Variants in MTMR11 observed in about 807,000 individuals in gnomAD.
The protein encoded by MTMR11 is myotubularin-related protein 11.
Under a neutral mutation model 100.0 loss-of-function variants are expected in MTMR11, and 89 were observed. That is an observed-to-expected ratio of 0.89 (90% CI 0.75 to 1.06). MTMR11 has a LOEUF of 1.06. Among genes scored for constraint, MTMR11 ranks in the 50% least tolerant of loss-of-function variants. The pLI is 0.00. For missense variants in MTMR11, 809 were observed against 873.7 expected, an observed-to-expected ratio of 0.93 and a Z score of 0.93; for synonymous variants, 336 against 326.3, an observed-to-expected ratio of 1.03 and a Z score of -0.32.
intron 10 of MTMR11, 139 bp from the exon 11 acceptor site, chr1:149,932,469 G>T (rs2092672175): frequency 2.9e-6 from 2 of 692,184 alleles, no homozygotes; most frequent in Admixed American, 4.9e-5. Context: ...TTAAACTGTG[G>T]TGATGGTTGT....
At chr1:149,936,492 C>T in intron 1 of MTMR11, 90 bp downstream of exon 1, 1 of 1,259,294 alleles carries the variant, frequency 7.9e-7, no homozygotes, top group Non-Finnish European at 1.1e-6. Flanking sequence ...CCTCCTCCTC[C>T]TCCTCTAGAG....
Position 149,934,556 on chromosome 1 carries a change from G to A in MTMR11, c.469-30C>T, listed in dbSNP as rs782152868. 10 of 1,604,820 alleles carry A rather than the reference G, an allele frequency of 6.2e-6. No individual in the cohort carries two copies. In the African/African-American group the frequency reaches 1.2e-4, roughly 19 times the overall value. ...AGAGGAAAGGACATTCCATCCTTTT[G>A]GCTTAGGCTGAGTAAGTGAAAAGAA... On this transcript the variant is annotated intron_variant, in intron 5 of 16. Coordinates refer to ENST00000439741, the MANE Select transcript of MTMR11 (RefSeq NM_001145862.2).
chr1:149,934,049 G>GT, intron 7 of MTMR11, 107 bp from the exon 8 acceptor site: 1 of 1,544,756 alleles, frequency 6.5e-7, no homozygotes. Context: ...GGGATTTCAG[G>GT]TTTAGGGATC....
In MTMR11 at chr1:149,930,486, A is replaced by G. The variant is rs782628062; in HGVS notation, c.1526T>C (p.Phe509Ser). Reference sequence around the variant, plus strand: ...GTCCCAGACAGACAGCTGCAGGTTAAAAGAGTTCCCAGCTGGAGGCTGGGA... The same window carrying G: ...GTCCCAGACAGACAGCTGCAGGTTAGAAGAGTTCCCAGCTGGAGGCTGGGA... Reference protein sequence around the residue: ...GYSQPPAGNSFNLQLSVWDWD... With the variant: ...GYSQPPAGNSSNLQLSVWDWD... The change falls in exon 15 of 17, where the codon TTT (phenylalanine) becomes TCT (serine). Residue 509 changes from phenylalanine to serine, a missense_variant. By Grantham distance (155) the Phe-to-Ser change is radical. Coordinates refer to ENST00000439741, the MANE Select transcript of MTMR11 (RefSeq NM_001145862.2). 6.2e-7 allele frequency: 1 copy of G among 1,614,126 alleles called. No individual in the cohort carries two copies. Among genetic ancestry groups the G allele is most frequent in the Non-Finnish European group, 8.5e-7 (1 of 1,179,988 alleles).
chr1:149,930,075 C>T, intron 15 of MTMR11, 159 bp from the exon 16 acceptor site: 2 of 824,836 alleles, frequency 2.4e-6, no homozygotes, highest in Non-Finnish European at 3.8e-6. Flanking sequence ...CCTCATTAGG[C>T]TTCAACTAGG....
At chr1:149,931,830 T>C (rs2092664347) in intron 12 of MTMR11, 114 bp downstream of exon 12, 3 of 913,868 alleles carry the variant, frequency 3.3e-6, no homozygotes, top group Non-Finnish European at 5.2e-6. Context: ...TCGCAGGTAG[T>C]TCCCAGGAAC....
In MTMR11 at chr1:149,929,850, G is replaced by A. The variant is rs1553767046; in HGVS notation, c.1714C>T (p.Leu572=). 1.2e-6 allele frequency: 2 copies of A among 1,614,032 alleles called. No individual in the cohort carries two copies. The highest frequency in any genetic ancestry group is 2.2e-5 in the East Asian group (1 of 44,896). ...TCCCGCCAAGGACAGAGCTGATTCA[G>A]GGGGGTCAATGCTCCTCTAGAGAAG... ...WLFSRGALTP[L]NQLCPWRDSP... is the part of the protein sequence containing the mutation. Residue 572 remains leucine, a synonymous_variant, in exon 16 of 17, where the codon CTG becomes TTG. Coordinates refer to ENST00000439741, the MANE Select transcript of MTMR11 (RefSeq NM_001145862.2).
intron 12 of MTMR11, 121 bp downstream of exon 12, chr1:149,931,823 C>A: frequency 1.2e-6 from 1 of 841,534 alleles, no homozygotes. Context: ...GTAGAGCTCG[C>A]AGGTAGTTCC....
In MTMR11 at chr1:149,931,305, T is replaced by C; in HGVS notation, c.1245A>G (p.Gly415=). ...SLVQREWVAA[G]HPFLTRLGGT... ...CCCCAAGCCGAGTCAGGAAGGGATG[T>C]CCAGCTGCCACCCACTCTCGCTGTA... Residue 415 remains glycine (G), a synonymous_variant, in exon 13 of 17, where the codon GGA becomes GGG. Transcript: ENST00000439741. 6.2e-7 allele frequency: 1 copy of C among 1,614,072 alleles called. No homozygotes were observed. Among genetic ancestry groups the C allele is most frequent in the African/African-American group, 1.3e-5 (1 of 75,006 alleles).
rs782655568 is a variant in MTMR11 at position 149,933,412 on chromosome 1, G to A, written c.979C>T (p.Leu327=). The part of the protein sequence containing the change: ...LAHLRLRALC[L]PDSSVAEDKW... Reference sequence around the variant, plus strand: ...GGTCAAAGGTTATTCTCACCAGGCAGGCAGAGGGCCCTCAGCCTCAGGTGG... The same window carrying A: ...GGTCAAAGGTTATTCTCACCAGGCAAGCAGAGGGCCCTCAGCCTCAGGTGG... Residue 327 remains leucine, a synonymous_variant, in exon 10 of 17, where the codon CTG becomes TTG. Coordinates refer to ENST00000439741, the MANE Select transcript of MTMR11 (RefSeq NM_001145862.2). The A allele has an allele frequency of 1.1e-5, 18 of 1,614,176 alleles. 1 individual carries two copies.
rs2092623313 is a variant in MTMR11, at chr1:149,929,279, A to G, written c.1980T>C (p.Asp660=). Residue 660 remains aspartate (D), a synonymous_variant, in exon 17 of 17, where the codon GAT becomes GAC. Transcript: ENST00000439741. ...ATAACTCCTGAAGATGGGATAGCTCATCCTGGAGGCCAGAGATTGTGGGAG... is the reference window on the plus strand; with the variant it reads ...ATAACTCCTGAAGATGGGATAGCTCGTCCTGGAGGCCAGAGATTGTGGGAG... ...LSAPTISGLQ[D]ELSHLQELLR... 1.2e-6 allele frequency: 2 copies of G among 1,614,036 alleles called. No individual in the cohort carries two copies. Among genetic ancestry groups the G allele is most frequent in the African/African-American group, 1.3e-5 (1 of 74,916 alleles).
rs1391975581 is a variant in MTMR11 at position 149,934,981 on chromosome 1, CT to C, written c.468+4del. On this transcript the variant is annotated splice_donor_region_variant and intron_variant, in intron 5 of 16. Coordinates refer to ENST00000439741, the MANE Select transcript of MTMR11 (RefSeq NM_001145862.2). ...GGAGAAAGCCTCAGGTTAGGGGCCTCTTACCTGAAAAGCCTGAGGCTCTAGG... is the reference window on the plus strand; with the variant it reads ...GGAGAAAGCCTCAGGTTAGGGGCCTCTACCTGAAAAGCCTGAGGCTCTAGG... The C allele has an allele frequency of 6.2e-7, 1 of 1,613,238 alleles. No homozygotes were observed. Among genetic ancestry groups the C allele is most frequent in the Non-Finnish European group, 8.5e-7 (1 of 1,179,960 alleles).
chr1:149,936,245 T>C lies in MTMR11; in HGVS notation c.67-16A>G, dbSNP rs782672747. 8.1e-6 allele frequency: 13 copies of C among 1,612,412 alleles called. No individual in the cohort carries two copies. The East Asian group carries it at 2.9e-4, about 36-fold the overall frequency. ...CCTGGACAGACTTTGGTCCAGAGGG[T>C]TGAGGGGGGTCTAGAGTTAACCCCT... On this transcript the variant is annotated splice_polypyrimidine_tract_variant and intron_variant, in intron 1 of 16. Transcript: ENST00000439741.
At position 149,936,215 on chromosome 1, in the gene MTMR11, A is replaced by G. The variant is rs1868992; in HGVS notation, c.81T>C (p.Asn27=). The change falls in exon 2 of 17, where the codon AAT becomes AAC. Residue 27 remains asparagine (N), a synonymous_variant. Coordinates refer to ENST00000439741, the MANE Select transcript of MTMR11 (RefSeq NM_001145862.2). ...GACGACTCCTGGGCTCCGGCATCCT[A>G]TTTTCCTGGACAGACTTTGGTCCAG... is the stretch of plus-strand genomic sequence containing the variant. The part of the protein sequence containing the change: ...EEPEMGSVQE[N]RMPEPRSRQP... 467,211 of 1,613,418 alleles carry G rather than the reference A, an allele frequency of 0.29. 74,199 individuals are homozygous for G. Among genetic ancestry groups the G allele is most frequent in the African/African-American group, 0.63 (47,458 of 74,770 alleles).
Position 149,932,026 on chromosome 1 carries a change from G to A in MTMR11, c.1053-12C>T, listed in dbSNP as rs1553767776. On this transcript the variant is annotated splice_polypyrimidine_tract_variant and intron_variant, in intron 11 of 16. Transcript: ENST00000439741. ...TTCGAAGACAAGCCCTGGAGGAGCA[G>A]GTGAGGAAGAGGGAGGAAGAATGAT... 4 of 1,609,222 alleles carry A rather than the reference G, an allele frequency of 2.5e-6. No individual in the cohort carries two copies. The highest frequency in any genetic ancestry group is 1.1e-5 in the South Asian group (1 of 90,928).
chr1:149,936,421 G>T, intron 1 of MTMR11, 161 bp downstream of exon 1: 18 of 1,435,468 alleles, frequency 1.3e-5, no homozygotes, highest in Non-Finnish European at 1.6e-5. Flanking sequence ...ATGAGACAAC[G>T]AACTTGAGAC....
At chr1:149,932,617 G>C (rs2092674103) in intron 10 of MTMR11, among the ~76,000 whole-genome samples, 2 of 152,106 alleles carry the variant, frequency 1.3e-5, no homozygotes, top group Admixed American at 6.5e-5. Flanking sequence ...CAGTGAGTCT[G>C]TGGGAGAGGT....
intron 16 of MTMR11, 104 bp downstream of exon 16, chr1:149,929,519 C>G (rs1323668108): frequency 7.2e-7 from 1 of 1,390,310 alleles, no homozygotes; most frequent in Non-Finnish European, 9.8e-7. Context: ...ACTTCACTTC[C>G]CAGACTCCCA....
intron 1 of MTMR11, 147 bp downstream of exon 1, chr1:149,936,435 G>A: frequency 2.1e-6 from 3 of 1,405,666 alleles, no homozygotes; most frequent in Non-Finnish European, 2.8e-6. Flanking sequence ...TTGAGACTGA[G>A]AAAGACGGAC....
Sources: allele counts gnomAD v4.1 joint callset (sites outside exome capture counted in the v4.1 genomes callset), GRCh38; gene constraint gnomAD v4.1.1; transcripts MANE v1.5; gene names NCBI Gene and HGNC (gene_info 2026-07-23, HGNC 2026-07-21).